Variants in AK7 observed in about 807,000 individuals in gnomAD.
AK7 encodes the protein ATP-AMP transphosphorylase 7.
A neutral mutation model predicts 96.6 loss-of-function variants in AK7; 78 were observed. That is an observed-to-expected ratio of 0.81 (90% CI 0.67 to 0.97). The LOEUF is 0.97. Ranked by LOEUF, AK7 falls within the 50% of genes least tolerant of loss-of-function variation. The probability of loss-of-function intolerance (pLI) is 0.00; values close to 1 mark genes in which losing one functional copy is unlikely to be tolerated. For synonymous variants in AK7, 302 were observed against 317.2 expected (o/e 0.95, Z 0.51); for missense variants, 855 against 887.9 (o/e 0.96, Z 0.47).
chr14:96,415,752 T>C (rs966719512), intron 4 of AK7, among the ~76,000 whole-genome samples: 1 of 145,366 alleles, frequency 6.9e-6, no homozygotes, highest in African/African-American at 2.6e-5. Flanking sequence ...TTAAATTAAT[T>C]AATTTAATAC....
At chr14:96,459,876 C>CAA (rs199569530) in intron 12 of AK7, among the ~76,000 whole-genome samples, 1 of 147,594 alleles carries the variant, frequency 6.8e-6, no homozygotes, top group Admixed American at 6.8e-5. Flanking sequence ...GACTCCCTCT[C>CAA]AAAAAAAAAG....
At position 96,437,215 on chromosome 14, in the gene AK7, G is replaced by A. The variant is rs1892688057; in HGVS notation, c.610-620G>A. On this transcript the variant is annotated intron_variant, in intron 5 of 17. Coordinates refer to ENST00000267584, the MANE Select transcript of AK7 (RefSeq NM_152327.5). ...TTTAAATAACTTAAAGAGTATAATT[G>A]GAGTGTTTGTAATTCAATGGATAAA... 3.3e-5 allele frequency among the ~76,000 whole-genome samples: 5 copies of A among 152,122 alleles called. 1 individual carries two copies. Among genetic ancestry groups the A allele is most frequent in the Admixed American group, 2.6e-4 (4 of 15,276 alleles).
intron 5 of AK7, among the ~76,000 whole-genome samples, chr14:96,433,758 T>G (rs1169709950): frequency 6.6e-6 from 1 of 152,150 alleles, no homozygotes; most frequent in Non-Finnish European, 1.5e-5. Flanking sequence ...AGGTGCTCTG[T>G]TTTTTTCCTC....
rs1431910730 is a variant in AK7, at chr14:96,489,120, T to G, written c.*777T>G. ...AGTTTAGGTTTAATGGCATATGTAT[T>G]TTATCTCTTTAAATAATGTAACCTA... On this transcript the variant is annotated 3_prime_UTR_variant, in exon 18 of 18. Transcript: ENST00000267584. 1.3e-5 allele frequency: 2 copies of G among 152,210 alleles called. No individual in the cohort carries two copies. The highest frequency in any genetic ancestry group is 2.9e-5 in the Non-Finnish European group (2 of 68,026). 9.4% of individuals were successfully genotyped at this position (152,210 alleles called of 1,614,324 possible). A position where few individuals can be genotyped will look rare whatever the true frequency, so the allele number is the denominator to read the frequency against.
chr14:96,405,653 G>C (rs1008273170), intron 3 of AK7, among the ~76,000 whole-genome samples: 2 of 152,248 alleles, frequency 1.3e-5, no homozygotes, highest in African/African-American at 4.8e-5. Flanking sequence ...TCAACAAAGG[G>C]GGGTGCGCTC....
rs985128796 is a variant in AK7 at position 96,436,721 on chromosome 14, C to T, written c.610-1114C>T. 1.2e-4 allele frequency among the ~76,000 whole-genome samples: 18 copies of T among 152,108 alleles called. 1 individual carries two copies. The highest frequency in any genetic ancestry group is 1.5e-4 in the Non-Finnish European group (10 of 68,010). On this transcript the variant is annotated intron_variant, in intron 5 of 17. Transcript: ENST00000267584. ...CCCTGTTCGCCTGAAGAAGTTCAAGCGAGTTTTCTGATTGGTGGGTTTGAG... is the reference window on the plus strand; with the variant it reads ...CCCTGTTCGCCTGAAGAAGTTCAAGTGAGTTTTCTGATTGGTGGGTTTGAG...
At chr14:96,407,874 C>T (rs963720063) in intron 3 of AK7, among the ~76,000 whole-genome samples, 16 of 152,138 alleles carry the variant, frequency 1.1e-4, no homozygotes, top group African/African-American at 3.9e-4. Context: ...CCACCACGCC[C>T]GGCCGATATG....
rs773157817 is a variant in AK7 at position 96,483,163 on chromosome 14, C to T, written c.1918C>T (p.Arg640Cys). 3.0e-5 allele frequency: 48 copies of T among 1,613,324 alleles called. No individual in the cohort carries two copies. The highest frequency in any genetic ancestry group is 4.0e-5 in the African/African-American group (3 of 74,874). The change falls in exon 16 of 18, where the codon CGC becomes TGC. Residue 640 changes from arginine (R) to cysteine (C), a missense_variant. Transcript: ENST00000267584. Reference sequence around the variant, plus strand: ...CAGGGAGGCTGCTGAGGAAGCAGAACGCGAGCACCAGGAGGCCGTGGAGAT... The same window carrying T: ...CAGGGAGGCTGCTGAGGAAGCAGAATGCGAGCACCAGGAGGCCGTGGAGAT... ...LAREAAEEAE[R>C]EHQEAVEMAE...
intron 5 of AK7, among the ~76,000 whole-genome samples, chr14:96,430,423 C>T (rs1385877655): frequency 6.6e-6 from 1 of 151,982 alleles, no homozygotes; most frequent in Non-Finnish European, 1.5e-5. Context: ...CTCCTGACCT[C>T]GTGATCCGCC....
chr14:96,481,351 T>A (rs1036063489), intron 15 of AK7, among the ~76,000 whole-genome samples: 122 of 152,202 alleles, frequency 8.0e-4, no homozygotes, highest in Middle Eastern at 3.4e-3. Flanking sequence ...TTATTTATTT[T>A]ATTTATTCTT....
At chr14:96,442,609 A>G (rs1274647969) in intron 6 of AK7, 121 bp from the exon 7 acceptor site, 1 of 789,614 alleles carries the variant, frequency 1.3e-6, no homozygotes, top group East Asian at 2.4e-5. Context: ...CACCCCCTAG[A>G]GGAAATTACT....
chr14:96,463,632 A>G (rs1423591690), intron 12 of AK7, among the ~76,000 whole-genome samples: 2 of 149,798 alleles, frequency 1.3e-5, no homozygotes, highest in Admixed American at 6.7e-5. Context: ...AGGCAGGAGA[A>G]TGGTGTGAAC....
intron 4 of AK7, among the ~76,000 whole-genome samples, chr14:96,416,385 CAAA>C (rs35859783): frequency 8.3e-6 from 1 of 121,012 alleles, no homozygotes; most frequent in South Asian, 2.6e-4. Flanking sequence ...GACTCTGTCT[CAAA>C]AAAAAAAAAA....
intron 5 of AK7, among the ~76,000 whole-genome samples, chr14:96,430,794 A>AGTTAGGG (rs1338585430): frequency 6.6e-6 from 1 of 152,102 alleles, no homozygotes; most frequent in Non-Finnish European, 1.5e-5. Flanking sequence ...TCATAAAATG[A>AGTTAGGG]GTTAGGGAGG....
intron 3 of AK7, 99 bp from the exon 4 acceptor site, chr14:96,408,748 T>A: frequency 2.0e-6 from 2 of 992,514 alleles, no homozygotes; most frequent in Non-Finnish European, 3.1e-6. Flanking sequence ...AACAGCACCC[T>A]GGTGTTAAGT....
intron 12 of AK7, among the ~76,000 whole-genome samples, chr14:96,466,281 G>A (rs1207775880): frequency 1.3e-5 from 2 of 151,780 alleles, no homozygotes; most frequent in African/African-American, 4.8e-5. Flanking sequence ...CTGTCACCCA[G>A]GCTGGAGTGC....
intron 16 of AK7, among the ~76,000 whole-genome samples, chr14:96,484,741 C>T (rs1365907203): frequency 6.6e-6 from 1 of 152,222 alleles, no homozygotes; most frequent in Non-Finnish European, 1.5e-5. Context: ...TTTGTACTTA[C>T]TCTACCTATT....
Position 96,448,630 on chromosome 14 carries a change from T to TAAA in AK7, c.871-1140_871-1138dup, listed in dbSNP as rs71103528. Among the ~76,000 whole-genome samples the TAAA allele has an allele frequency of 3.2e-3, 237 of 74,858 alleles. 12 individuals are homozygous for TAAA. The highest frequency in any genetic ancestry group is 3.4e-3 in the Non-Finnish European group (116 of 34,040). 49.1% of individuals were successfully genotyped at this position (74,858 alleles called of 152,430 possible). A position where few individuals can be genotyped will look rare whatever the true frequency, so the allele number is the denominator to read the frequency against. On this transcript the variant is annotated intron_variant, in intron 8 of 17. Coordinates refer to ENST00000267584, the MANE Select transcript of AK7 (RefSeq NM_152327.5). Reference sequence around the variant, plus strand: ...GGGCAATAGAACAAGACCCTATCTCTAAAAAAAAAAAAAAAAAAAAAAAAA... The same window carrying TAAA: ...GGGCAATAGAACAAGACCCTATCTCTAAAAAAAAAAAAAAAAAAAAAAAAAAAA...
At chr14:96,479,240 C>A (rs1895375496) in intron 15 of AK7, among the ~76,000 whole-genome samples, 1 of 151,984 alleles carries the variant, frequency 6.6e-6, no homozygotes, top group South Asian at 2.1e-4. Flanking sequence ...CAGTGCCCGG[C>A]TAATTTTTTT....
Sources: gnomAD v4.1 joint callset for allele counts (sites outside exome capture counted in the v4.1 genomes callset) on GRCh38, gnomAD v4.1.1 for gene constraint, MANE v1.5 for transcripts, NCBI Gene and HGNC (gene_info 2026-07-23, HGNC 2026-07-21) for gene names.